The following FMN2 variants were observed in gnomAD, a reference collection of about 807,000 sequenced individuals.
FMN2 encodes the protein formin-2.
In FMN2, 51 loss-of-function variants were observed where a neutral mutation model predicts 142.3. That is an observed-to-expected ratio of 0.36 (90% CI 0.29 to 0.45). The LOEUF is 0.45. FMN2 is among the 20% of genes least tolerant of loss of function. The pLI is 1.00. For missense variants in FMN2, 1,936 were observed against 2,122.8 expected (o/e 0.91, Z 1.73); for synonymous variants, 882 against 869.8 (o/e 1.01, Z -0.25).
chr1:240,148,985 T>A (rs995206487), intron 2 of FMN2, among the ~76,000 whole-genome samples: 52 of 139,860 alleles, frequency 3.7e-4, no homozygotes, highest in Middle Eastern at 3.9e-3. Flanking sequence ...AAAAAATAAA[T>A]AAATAAATAA....
intron 4 of FMN2, among the ~76,000 whole-genome samples, chr1:240,206,126 A>G (rs956490896): frequency 2.0e-5 from 3 of 148,130 alleles, no homozygotes; most frequent in African/African-American, 7.5e-5. Flanking sequence ...CTGGTCTTGA[A>G]CTCCTGATCT....
chr1:240,242,161 A>T lies in FMN2; in HGVS notation c.4066-15784A>T, dbSNP rs139325238. 5.2e-4 allele frequency among the ~76,000 whole-genome samples: 79 copies of T among 152,232 alleles called. No individual in the cohort carries two copies. In the East Asian group the frequency reaches 0.015, roughly 29 times the overall value. Reference sequence around the variant, plus strand: ...CGCCCGGCTAGTGTGCCTTTCTTAAAATCAACTGGAACACGTATGTCTTAG... The same window carrying T: ...CGCCCGGCTAGTGTGCCTTTCTTAATATCAACTGGAACACGTATGTCTTAG... On this transcript the variant is annotated intron_variant, in intron 6 of 17. Coordinates refer to ENST00000319653, the MANE Select transcript of FMN2 (RefSeq NM_020066.5).
intron 14 of FMN2, among the ~76,000 whole-genome samples, chr1:240,376,853 G>A (rs1360973459): frequency 6.6e-6 from 1 of 151,910 alleles, no homozygotes; most frequent in African/African-American, 2.4e-5. Context: ...TATTTTCAGT[G>A]GTCACTCTAG....
At chr1:240,434,353 A>G (rs1675280908) in intron 15 of FMN2, among the ~76,000 whole-genome samples, 1 of 152,092 alleles carries the variant, frequency 6.6e-6, no homozygotes, top group Non-Finnish European at 1.5e-5. Flanking sequence ...AATAATTCAG[A>G]AAAGATGGAA....
At chr1:240,143,928 C>A in intron 2 of FMN2, 1 of 1,514,162 alleles carries the variant, frequency 6.6e-7, no homozygotes, top group East Asian at 2.3e-5. Context: ...AAGCCTAGCC[C>A]AAAGATGGAA....
intron 15 of FMN2, among the ~76,000 whole-genome samples, chr1:240,415,770 C>T (rs564389556): frequency 5.9e-5 from 9 of 152,076 alleles, no homozygotes; most frequent in African/African-American, 1.4e-4. Context: ...AAGTATTTAC[C>T]GAGTGATTCA....
At chr1:240,184,401 C>A (rs906619777) in intron 3 of FMN2, among the ~76,000 whole-genome samples, 130 of 151,260 alleles carry the variant, frequency 8.6e-4, no homozygotes, top group African/African-American at 3.1e-3. Flanking sequence ...CAGGCCGGCT[C>A]ATTTTTGTAT....
intron 14 of FMN2, among the ~76,000 whole-genome samples, chr1:240,379,920 G>A (rs1003544858): frequency 3.3e-5 from 5 of 151,930 alleles, no homozygotes; most frequent in Non-Finnish European, 7.4e-5. Context: ...AATTCATCAG[G>A]TCAACAGGAT....
intron 8 of FMN2, among the ~76,000 whole-genome samples, chr1:240,295,142 A>G (rs552706454): frequency 1.3e-5 from 2 of 151,916 alleles, no homozygotes; most frequent in South Asian, 4.2e-4. Context: ...AAATAATAGT[A>G]CTGATGTGGG....
rs532199574 is a variant in FMN2 at position 240,184,159 on chromosome 1, T to C, written c.1931-4048T>C. ...GGTAAAGAGGTCAGTCCTGAAACAT[T>C]TGGAGTCCATAGGGAGTCCAGAATT... is the stretch of plus-strand genomic sequence containing the variant. On this transcript the variant is annotated intron_variant, in intron 3 of 17. Coordinates refer to ENST00000319653, the MANE Select transcript of FMN2 (RefSeq NM_020066.5). 5.1e-4 allele frequency among the ~76,000 whole-genome samples: 78 copies of C among 152,102 alleles called. 1 individual carries two copies. The South Asian group carries it at 0.016, about 30-fold the overall frequency.
At chr1:240,407,008 A>G (rs1674229898) in intron 15 of FMN2, among the ~76,000 whole-genome samples, 1 of 151,944 alleles carries the variant, frequency 6.6e-6, no homozygotes, top group Non-Finnish European at 1.5e-5. Context: ...TTTGTTGTCT[A>G]CTCCGGCATG....
rs527293887 is a variant in FMN2 at position 240,265,067 on chromosome 1, C to T, written c.4153+7035C>T. On this transcript the variant is annotated intron_variant, in intron 7 of 17. Coordinates refer to ENST00000319653, the MANE Select transcript of FMN2 (RefSeq NM_020066.5). ...CTCTGGGCAGTGTGTTAGCTTGTTACTGAATGAAGCATGTGTTACCTAATA... is the reference window on the plus strand; with the variant it reads ...CTCTGGGCAGTGTGTTAGCTTGTTATTGAATGAAGCATGTGTTACCTAATA... 2.0e-5 allele frequency among the ~76,000 whole-genome samples: 3 copies of T among 152,254 alleles called. No individual in the cohort carries two copies. In the East Asian group the frequency reaches 5.8e-4, roughly 29 times the overall value.
intron 2 of FMN2, among the ~76,000 whole-genome samples, chr1:240,157,587 A>G (rs73112803): frequency 0.18 from 26,883 of 152,040 alleles, 2,549 homozygotes; most frequent in Middle Eastern, 0.27. Flanking sequence ...AGGGGAGAAA[A>G]GGAAGTAATG....
chr1:240,112,224 T>A (rs1298079095), intron 1 of FMN2, among the ~76,000 whole-genome samples: 1 of 147,852 alleles, frequency 6.8e-6, no homozygotes. Flanking sequence ...CTCCACCTCC[T>A]GGGTTCAAGT....
chr1:240,209,948 G>A (rs1039068587), intron 5 of FMN2, among the ~76,000 whole-genome samples: 10 of 152,114 alleles, frequency 6.6e-5, no homozygotes, highest in Non-Finnish European at 1.5e-4. Context: ...AAAATGCACA[G>A]CCCTGGTTTA....
intron 2 of FMN2, among the ~76,000 whole-genome samples, chr1:240,127,231 T>C (rs1210264365): frequency 1.3e-5 from 2 of 151,618 alleles, no homozygotes; most frequent in African/African-American, 4.8e-5. Flanking sequence ...TCAAGCAATT[T>C]CTAGCTAATT....
chr1:240,248,115 G>A (rs1012883277), intron 6 of FMN2, among the ~76,000 whole-genome samples: 1 of 151,386 alleles, frequency 6.6e-6, no homozygotes, highest in Non-Finnish European at 1.5e-5. Context: ...CCCACCCTAC[G>A]CAGCCTCTGA....
chr1:240,409,491 A>C (rs1032372768), intron 15 of FMN2, among the ~76,000 whole-genome samples: 1 of 152,208 alleles, frequency 6.6e-6, no homozygotes, highest in Admixed American at 6.5e-5. Flanking sequence ...GTACGTTTGC[A>C]TAAGACATTT....
chr1:240,398,566 G>A (rs1673868720), intron 15 of FMN2, among the ~76,000 whole-genome samples: 1 of 151,750 alleles, frequency 6.6e-6, no homozygotes, highest in South Asian at 2.1e-4. Context: ...GTAAAAATAA[G>A]AATAATGAAT....
Sources: gnomAD v4.1 joint callset for allele counts (sites outside exome capture counted in the v4.1 genomes callset) on GRCh38, gnomAD v4.1.1 for gene constraint, MANE v1.5 for transcripts, NCBI Gene and HGNC (gene_info 2026-07-23, HGNC 2026-07-21) for gene names.